LTBP1: variants seen among roughly 807,000 people sequenced by gnomAD.
The protein encoded by LTBP1 is latent-transforming growth factor beta-binding protein 1.
Under a neutral mutation model 207.6 loss-of-function variants are expected in LTBP1, and 129 were observed. The observed-to-expected ratio is 0.62, with a 90% CI of 0.54 to 0.72. The LOEUF is 0.72. LTBP1 is among the 30% of genes least tolerant of loss of function. LTBP1 has a pLI of 0.00. For missense variants in LTBP1, 2,281 were observed against 2,217.2 expected, an observed-to-expected ratio of 1.03 and a Z score of -0.58; for synonymous variants, 963 against 833.7, an observed-to-expected ratio of 1.16 and a Z score of -2.67.
intron 3 of LTBP1, among the ~76,000 whole-genome samples, chr2:33,048,495 C>G (rs1294714825): frequency 2.0e-5 from 3 of 152,166 alleles, no homozygotes; most frequent in Non-Finnish European, 2.9e-5. Context: ...GCAAAGTACT[C>G]ACACTCAGAG....
intron 10 of LTBP1, among the ~76,000 whole-genome samples, chr2:33,250,676 A>C (rs1362362497): frequency 6.6e-6 from 1 of 152,190 alleles, no homozygotes; most frequent in Non-Finnish European, 1.5e-5. Context: ...GGAGCTGCCT[A>C]GAGACCTCGT....
intron 5 of LTBP1, among the ~76,000 whole-genome samples, chr2:33,155,498 A>T (rs1018832226): frequency 2.0e-5 from 3 of 152,156 alleles, no homozygotes; most frequent in African/African-American, 7.2e-5. Flanking sequence ...CCTCAGTGTT[A>T]TTCACATTTG....
At chr2:33,260,542 T>C (rs371347022) in intron 13 of LTBP1, among the ~76,000 whole-genome samples, 1 of 152,192 alleles carries the variant, frequency 6.6e-6, no homozygotes, top group Non-Finnish European at 1.5e-5. Flanking sequence ...CTAAATCTTA[T>C]AATTATGGGA....
intron 19 of LTBP1, among the ~76,000 whole-genome samples, chr2:33,284,312 A>G (rs868464913): frequency 7.2e-5 from 11 of 152,152 alleles, no homozygotes; most frequent in Admixed American, 1.3e-4. Context: ...CTCATCCTCA[A>G]TAGTTTATTA....
At chr2:33,279,941 A>G (rs2093524360) in intron 18 of LTBP1, 98 bp from the exon 19 acceptor site, 2 of 1,274,040 alleles carry the variant, frequency 1.6e-6, no homozygotes, top group Non-Finnish European at 2.2e-6. Context: ...ACTGAAATGT[A>G]GATATAACAT....
chr2:33,258,689 G>T (rs766929247), intron 12 of LTBP1, among the ~76,000 whole-genome samples: 2 of 152,184 alleles, frequency 1.3e-5, no homozygotes, highest in Non-Finnish European at 2.9e-5. Context: ...GACCTTCTTC[G>T]TGGTAGGTTA....
chr2:32,956,705 A>G (rs1300436760), intron 2 of LTBP1, among the ~76,000 whole-genome samples: 1 of 152,208 alleles, frequency 6.6e-6, no homozygotes, highest in Non-Finnish European at 1.5e-5. Flanking sequence ...TGGCATCTAG[A>G]ATGGTGAATC....
rs1229009155 is a variant in LTBP1 at position 33,342,943 on chromosome 2, A to G, written c.3836A>G (p.Gln1279Arg). Residue 1279 changes from glutamine (Q) to arginine (R), a missense_variant, in exon 25 of 34, where the codon CAG (glutamine) becomes CGG (arginine). Physicochemically the swap from Gln to Arg is conservative, Grantham distance 43. Coordinates refer to ENST00000404816, the MANE Select transcript of LTBP1 (RefSeq NM_206943.4). ...TGTTATCAGGGCTTTCAAGCCCCACAGGATGGGCAAGGGTGTGTGGGTGAG... is the reference window on the plus strand; with the variant it reads ...TGTTATCAGGGCTTTCAAGCCCCACGGGATGGGCAAGGGTGTGTGGGTGAG... ...CLCYQGFQAP[Q>R]DGQGCVDVNE... 5 of 1,613,726 alleles carry G rather than the reference A, an allele frequency of 3.1e-6. No individual in the cohort carries two copies. Among genetic ancestry groups the G allele is most frequent in the African/African-American group, 2.7e-5 (2 of 74,938 alleles).
At chr2:32,993,630 A>T (rs1049163479) in intron 2 of LTBP1, among the ~76,000 whole-genome samples, 1 of 152,176 alleles carries the variant, frequency 6.6e-6, no homozygotes, top group African/African-American at 2.4e-5. Flanking sequence ...GGTTGGCTGT[A>T]TTGAGTGGGC....
At chr2:33,075,181 C>T (rs534843396) in intron 3 of LTBP1, among the ~76,000 whole-genome samples, 1 of 152,286 alleles carries the variant, frequency 6.6e-6, no homozygotes, top group South Asian at 2.1e-4. Context: ...TTCTTAGACA[C>T]CTGTAATTCT....
At chr2:33,150,435 A>T (rs1404633465) in intron 5 of LTBP1, among the ~76,000 whole-genome samples, 1 of 152,120 alleles carries the variant, frequency 6.6e-6, no homozygotes, top group Non-Finnish European at 1.5e-5. Context: ...TTTATTATTT[A>T]AGCTGTTTTT....
chr2:33,381,527 A>G (rs2095214559), intron 31 of LTBP1, among the ~76,000 whole-genome samples: 1 of 152,180 alleles, frequency 6.6e-6, no homozygotes, highest in African/African-American at 2.4e-5. Flanking sequence ...AGACTTCATT[A>G]CTTCCCTGTC....
chr2:33,305,776 G>GA (rs1558982275), intron 22 of LTBP1, among the ~76,000 whole-genome samples: 2 of 152,148 alleles, frequency 1.3e-5, no homozygotes, highest in East Asian at 1.9e-4. Context: ...GGAGATTGAG[G>GA]AAAAAGTGGC....
chr2:33,294,439 T>G (rs866827094), intron 20 of LTBP1, among the ~76,000 whole-genome samples: 33 of 152,088 alleles, frequency 2.2e-4, no homozygotes, highest in African/African-American at 7.2e-4. Context: ...TCGGGTGATC[T>G]GCCCACCTAG....
At chr2:33,131,891 G>A (rs1180181637) in intron 4 of LTBP1, among the ~76,000 whole-genome samples, 3 of 152,098 alleles carry the variant, frequency 2.0e-5, no homozygotes, top group Non-Finnish European at 4.4e-5. Context: ...CAATAGGCCC[G>A]GAGAATCTCC....
At chr2:33,316,183 A>ACC (rs140220413) in intron 24 of LTBP1, among the ~76,000 whole-genome samples, 2 of 21,852 alleles carry the variant, frequency 9.2e-5, no homozygotes, top group Non-Finnish European at 2.3e-4. Context: ...GTTCTTGATG[A>ACC]TAATTTACCT....
At position 33,364,346 on chromosome 2, in the gene LTBP1, T is replaced by C. The variant is rs1167725147; in HGVS notation, c.4530T>C (p.Ala1510=). Residue 1510 remains alanine (A), a synonymous_variant, in exon 30 of 34, where the codon GCT becomes GCC. Coordinates refer to ENST00000404816, the MANE Select transcript of LTBP1 (RefSeq NM_206943.4). ...CAGAAAAAAGATGTATACGACCGGC[T>C]GAGTCAAACGGTATGTTTCCAGGAG... ...DASEKRCIRP[A]ESNEQIEETD... The C allele has an allele frequency of 6.2e-7, 1 of 1,613,272 alleles. No individual in the cohort carries two copies. Among genetic ancestry groups the C allele is most frequent in the East Asian group, 2.2e-5 (1 of 44,868 alleles).
chr2:33,159,300 C>G (rs1165180669), intron 5 of LTBP1, among the ~76,000 whole-genome samples: 1 of 152,166 alleles, frequency 6.6e-6, no homozygotes, highest in East Asian at 1.9e-4. Context: ...ATAGTCCCTT[C>G]GAACCTTGAG....
At chr2:33,275,156 C>T (rs2093399916) in intron 17 of LTBP1, 66 bp downstream of exon 17, 4 of 1,587,472 alleles carry the variant, frequency 2.5e-6, no homozygotes, top group Non-Finnish European at 3.4e-6. Flanking sequence ...CTAAGACTAT[C>T]ATCAGTTCAG....
Sources: gnomAD v4.1 joint callset for allele counts (sites outside exome capture counted in the v4.1 genomes callset) on GRCh38, gnomAD v4.1.1 for gene constraint, MANE v1.5 for transcripts, NCBI Gene and HGNC (gene_info 2026-07-23, HGNC 2026-07-21) for gene names.